CAMK2A: variants seen among roughly 807,000 people sequenced by gnomAD.
CAMK2A encodes calcium/calmodulin dependent protein kinase II alpha.
A neutral mutation model predicts 79.2 loss-of-function variants in CAMK2A; 7 were observed. That is an observed-to-expected ratio of 0.09 (90% CI 0.05 to 0.17). The LOEUF (loss-of-function observed/expected upper bound fraction) is 0.17. Ranked by LOEUF, CAMK2A falls within the 10% of genes least tolerant of loss-of-function variation. The pLI is 1.00. For synonymous variants in CAMK2A, 242 were observed against 251.7 expected (o/e 0.96, Z 0.36); for missense variants, 214 against 646.4 (o/e 0.33, Z 7.25).
chr5:150,261,945 A>G (rs1756321535), intron 3 of CAMK2A, among the ~76,000 whole-genome samples: 1 of 152,138 alleles, frequency 6.6e-6, no homozygotes, highest in African/African-American at 2.4e-5. Flanking sequence ...GACCTACCAT[A>G]CTTCCCTTCC....
intron 16 of CAMK2A, among the ~76,000 whole-genome samples, chr5:150,229,745 C>T (rs1215950796): frequency 6.6e-6 from 1 of 152,228 alleles, no homozygotes; most frequent in Admixed American, 6.5e-5. Flanking sequence ...CATTCCAAGT[C>T]CATTCTTTCT....
In CAMK2A at chr5:150,236,005, C is replaced by A. The variant is rs961788173; in HGVS notation, c.1066+2695G>T. ...GAAACTGAGGCAGGAAACAGGGTCC[C>A]AGTCCTACCATTAATAAGCCATATG... On this transcript the variant is annotated intron_variant, in intron 15 of 18. Transcript: ENST00000671881. Among the ~76,000 whole-genome samples the A allele has an allele frequency of 1.6e-4, 25 of 152,104 alleles. 1 individual carries two copies. The highest frequency in any genetic ancestry group is 5.8e-4 in the African/African-American group (24 of 41,398).
intron 14 of CAMK2A, 58 bp from the exon 15 acceptor site, chr5:150,238,806 C>A: frequency 6.9e-7 from 1 of 1,457,892 alleles, no homozygotes; most frequent in Non-Finnish European, 9.3e-7. Flanking sequence ...CGAGGCATGG[C>A]CAGGCCCTGG....
intron 1 of CAMK2A, among the ~76,000 whole-genome samples, chr5:150,288,917 C>T (rs1757547463): frequency 6.6e-6 from 1 of 152,236 alleles, no homozygotes; most frequent in African/African-American, 2.4e-5. Flanking sequence ...GCCCCTGAAA[C>T]AGCGGTGCTC....
chr5:150,250,330 G>A (rs1342165240), intron 10 of CAMK2A, 21 bp from the exon 11 acceptor site: 19 of 1,603,218 alleles, frequency 1.2e-5, no homozygotes, highest in Non-Finnish European at 1.6e-5. Context: ...TAGGGGAGAG[G>A]GCTGTGAGTG....
In CAMK2A at chr5:150,289,608, G is replaced by A; in HGVS notation, c.18C>T (p.Cys6=). ...GCTGGTACTCTTCCGTGAAGCGGGT[G>A]CAGGTGATGGTGGCCATCCTGGCGC... The part of the protein sequence containing the change: MATIT[C]TRFTEEYQLF... The change falls in exon 1 of 19, where the codon TGC becomes TGT. Residue 6 remains cysteine (C), a synonymous_variant. Transcript: ENST00000671881. 2 of 1,613,968 alleles carry A rather than the reference G, an allele frequency of 1.2e-6. No homozygotes were observed. The highest frequency in any genetic ancestry group is 1.7e-6 in the Non-Finnish European group (2 of 1,179,896).
intron 1 of CAMK2A, among the ~76,000 whole-genome samples, chr5:150,281,286 T>C (rs1757204302): frequency 6.6e-6 from 1 of 152,234 alleles, no homozygotes; most frequent in South Asian, 2.1e-4. Context: ...GATAGATCTG[T>C]TACCTGTAAG....
rs1373384207 is a variant in CAMK2A at position 150,256,648 on chromosome 5, A to G, written c.339-3T>C. On this transcript the variant is annotated splice_region_variant and splice_polypyrimidine_tract_variant and intron_variant, in intron 5 of 18. Transcript: ENST00000671881. This position sits in a 1 kb window ranked among gnomAD's most constrained non-coding sequence, Gnocchi z 4.6. ...CCAGGATCTGCTGGATACAGTGACTAGGGAGAGAGAGAGGAAGGGGTCATG... is the reference window on the plus strand; with the variant it reads ...CCAGGATCTGCTGGATACAGTGACTGGGGAGAGAGAGAGGAAGGGGTCATG... 6.2e-7 allele frequency: 1 copy of G among 1,613,692 alleles called. No individual in the cohort carries two copies. Among genetic ancestry groups the G allele is most frequent in the South Asian group, 1.1e-5 (1 of 91,074 alleles).
intron 1 of CAMK2A, among the ~76,000 whole-genome samples, chr5:150,288,145 G>A (rs901230008): frequency 6.6e-6 from 1 of 152,006 alleles, no homozygotes; most frequent in African/African-American, 2.4e-5. Flanking sequence ...CATCCTGTGT[G>A]CATGACCCCA....
chr5:150,289,426 G>A (rs1250125157), intron 1 of CAMK2A, 138 bp downstream of exon 1: 3 of 688,106 alleles, frequency 4.4e-6, no homozygotes, highest in East Asian at 5.2e-5. Flanking sequence ...ACACAGGCAG[G>A]TGCCCCCAAA....
At chr5:150,233,427 C>T (rs1209714736) in intron 15 of CAMK2A, among the ~76,000 whole-genome samples, 2 of 152,336 alleles carry the variant, frequency 1.3e-5, no homozygotes, top group Non-Finnish European at 2.9e-5. Flanking sequence ...AGCTAATTCC[C>T]TTCTCCCTCC....
At position 150,220,257 on chromosome 5, in the gene CAMK2A, G is replaced by C. The variant is rs1754239747; in HGVS notation, c.*2453C>G. On this transcript the variant is annotated 3_prime_UTR_variant, in exon 19 of 19. Transcript: ENST00000671881. ...CACACAGCAAGTCTGGTCAGAGCTG[G>C]GAATTGAAGCCTACTCACCCCAAAT... is the stretch of plus-strand genomic sequence containing the variant. 1.3e-5 allele frequency: 2 copies of C among 152,242 alleles called. No homozygotes were observed. The highest frequency in any genetic ancestry group is 4.8e-5 in the African/African-American group (2 of 41,424). The allele number at this position is 152,242 out of a possible 1,614,324, so 9.4% of individuals were successfully genotyped here.
At position 150,228,323 on chromosome 5, in the gene CAMK2A, C is replaced by A. The variant is rs199731337; in HGVS notation, c.1143-37G>T. ...AAGCCAGAGGGAAGAGGGACTGGGG[C>A]GGCTTCTCATTGGACCCTTGGAGGG... On this transcript the variant is annotated intron_variant, in intron 16 of 18. Coordinates refer to ENST00000671881, the MANE Select transcript of CAMK2A (RefSeq NM_015981.4). 2.4e-3 allele frequency: 3,569 copies of A among 1,512,406 alleles called. 6 individuals are homozygous for A. Among genetic ancestry groups the A allele is most frequent in the Non-Finnish European group, 3.1e-3 (3,351 of 1,092,520 alleles). 93.7% of individuals were successfully genotyped at this position (1,512,406 alleles called of 1,614,324 possible).
At chr5:150,258,524 A>AAAAAG (rs1756159757) in intron 3 of CAMK2A, among the ~76,000 whole-genome samples, 1 of 152,234 alleles carries the variant, frequency 6.6e-6, no homozygotes, top group African/African-American at 2.4e-5. Context: ...TTGCTTGGTG[A>AAAAAG]AAAAGCAAAG....
chr5:150,279,144 T>C (rs2150307271), intron 1 of CAMK2A, among the ~76,000 whole-genome samples: 1 of 152,316 alleles, frequency 6.6e-6, no homozygotes, highest in East Asian at 1.9e-4. Flanking sequence ...CCTGTGATGA[T>C]GCACACACCC....
chr5:150,238,579 G>A (rs1205519976), intron 15 of CAMK2A, 121 bp downstream of exon 15: 7 of 985,416 alleles, frequency 7.1e-6, no homozygotes, highest in South Asian at 2.8e-5. Flanking sequence ...GCACCAGAGC[G>A]AAGCTCTCTG....
At chr5:150,236,993 G>A (rs555453229) in intron 15 of CAMK2A, among the ~76,000 whole-genome samples, 1 of 152,084 alleles carries the variant, frequency 6.6e-6, no homozygotes, top group Non-Finnish European at 1.5e-5. Context: ...GGCCTCAAGC[G>A]ATCCTCCTGC....
intron 1 of CAMK2A, among the ~76,000 whole-genome samples, chr5:150,288,794 C>T (rs558255373): frequency 6.6e-6 from 1 of 152,224 alleles, no homozygotes; most frequent in Non-Finnish European, 1.5e-5. Flanking sequence ...ACAAGGGCCT[C>T]CCCTCTTTCC....
intron 3 of CAMK2A, among the ~76,000 whole-genome samples, chr5:150,261,272 C>T (rs1756294550): frequency 6.6e-6 from 1 of 152,226 alleles, no homozygotes. Context: ...CTAGAGTTGG[C>T]TTCAGTCCCT....
Sources: allele counts gnomAD v4.1 joint callset (sites outside exome capture counted in the v4.1 genomes callset), GRCh38; gene constraint gnomAD v4.1.1; non-coding constraint Gnocchi (gnomAD v3.1); transcripts MANE v1.5; gene names NCBI Gene and HGNC (gene_info 2026-07-23, HGNC 2026-07-21).